TECRL: variants seen among roughly 807,000 people sequenced by gnomAD.
The protein encoded by TECRL is trans-2,3-enoyl-CoA reductase-like.
TECRL carries 63 observed loss-of-function variants against 52.8 expected under a neutral mutation model. The observed-to-expected ratio is 1.19, with a 90% CI of 0.97 to 1.47. TECRL has a LOEUF of 1.47. TECRL is among the 40% of genes most tolerant of loss of function. The probability of loss-of-function intolerance (pLI) is 0.00; values close to 1 mark genes in which losing one functional copy is unlikely to be tolerated. For synonymous variants in TECRL, 164 were observed against 141.9 expected, an observed-to-expected ratio of 1.16 and a Z score of -1.10; for missense variants, 482 against 429.6, an observed-to-expected ratio of 1.12 and a Z score of -1.08.
chr4:64,315,586 AT>A (rs1459726726), intron 4 of TECRL, among the ~76,000 whole-genome samples: 1 of 129,832 alleles, frequency 7.7e-6, no homozygotes, highest in African/African-American at 2.9e-5. Flanking sequence ...ACCATTAACT[AT>A]TTTGTCTTCA....
Position 64,314,669 on chromosome 4 carries a change from C to T in TECRL, c.530G>A (p.Arg177Lys). ...TTACTGTACCACTGGGTGGCGTAAT[C>T]TTCTAGCACTCTCTTTTCCATCATA... The part of the protein sequence containing the change: ...CIYDGKESAR[R>K]LRHPVVHLAC... The change falls in exon 5 of 12, where the codon AGA becomes AAA. Residue 177 changes from arginine to lysine, a missense_variant. Physicochemically the swap from Arg to Lys is conservative, Grantham distance 26. Transcript: ENST00000381210. 1 of 1,594,806 alleles carries T rather than the reference C, an allele frequency of 6.3e-7. No homozygotes were observed. Among genetic ancestry groups the T allele is most frequent in the Non-Finnish European group, 8.6e-7 (1 of 1,167,748 alleles).
At chr4:64,288,489 AATAT>A (rs1314180334) in intron 9 of TECRL, among the ~76,000 whole-genome samples, 3 of 151,948 alleles carry the variant, frequency 2.0e-5, no homozygotes. Flanking sequence ...GCTGATCGAA[AATAT>A]ATATATATAA....
At chr4:64,346,096 A>T (rs1040638208) in intron 2 of TECRL, among the ~76,000 whole-genome samples, 5 of 152,116 alleles carry the variant, frequency 3.3e-5, no homozygotes, top group African/African-American at 1.2e-4. Context: ...TAATAAAAAT[A>T]ATGAATTCTA....
intron 4 of TECRL, among the ~76,000 whole-genome samples, chr4:64,321,020 AT>A (rs1274161002): frequency 2.9e-4 from 44 of 152,188 alleles, no homozygotes; most frequent in African/African-American, 9.6e-4. Context: ...TTCAAAAAAT[AT>A]TTATTGAGCT....
chr4:64,319,535 A>G (rs1031028872), intron 4 of TECRL, among the ~76,000 whole-genome samples: 1 of 151,830 alleles, frequency 6.6e-6, no homozygotes, highest in Non-Finnish European at 1.5e-5. Flanking sequence ...AAGGAGAGAA[A>G]ATATTTCCAA....
At chr4:64,379,680 T>C (rs1283928228) in intron 1 of TECRL, among the ~76,000 whole-genome samples, 1 of 152,136 alleles carries the variant, frequency 6.6e-6, no homozygotes, top group Non-Finnish European at 1.5e-5. Context: ...TGTACCTTCA[T>C]GAGATTAACT....
Position 64,280,156 on chromosome 4 carries a change from C to A in TECRL, c.1008G>T (p.Trp336Cys). Residue 336 changes from tryptophan (W) to cysteine (C), a missense_variant, in exon 12 of 12, where the codon TGG becomes TGT. Coordinates refer to ENST00000381210, the MANE Select transcript of TECRL (RefSeq NM_001010874.5). ...TLLMSIQMSLWAQKKHKIYLR... is the reference protein window; with the variant it reads ...TLLMSIQMSLCAQKKHKIYLR... ...GATAAATCTTATGTTTCTTTTGTGC[C>A]CACAAAGACATCTGGATACTCATCA... 2 of 1,598,004 alleles carry A rather than the reference C, an allele frequency of 1.3e-6. No homozygotes were observed. Among genetic ancestry groups the A allele is most frequent in the Admixed American group, 1.7e-5 (1 of 58,146 alleles).
At chr4:64,338,372 G>T (rs975576078) in intron 2 of TECRL, among the ~76,000 whole-genome samples, 1 of 152,134 alleles carries the variant, frequency 6.6e-6, no homozygotes, top group African/African-American at 2.4e-5. Flanking sequence ...ATAGGCATGG[G>T]CAAAGACTTC....
chr4:64,355,538 C>A (rs1253818100), intron 2 of TECRL, among the ~76,000 whole-genome samples: 1 of 152,006 alleles, frequency 6.6e-6, no homozygotes, highest in Non-Finnish European at 1.5e-5. Context: ...GTGGCTCACG[C>A]CTGTAATCCC....
chr4:64,322,465 A>T (rs1454843236), intron 4 of TECRL, among the ~76,000 whole-genome samples: 1 of 151,684 alleles, frequency 6.6e-6, no homozygotes, highest in South Asian at 2.1e-4. Flanking sequence ...AAAAAAAAAA[A>T]AAAAAAAAAA....
chr4:64,401,168 G>T (rs539136106), intron 1 of TECRL, among the ~76,000 whole-genome samples: 17 of 152,144 alleles, frequency 1.1e-4, no homozygotes, highest in African/African-American at 4.1e-4. Flanking sequence ...TTTCTGAAAG[G>T]CAGATCTGAA....
chr4:64,379,251 C>T (rs926467237), intron 1 of TECRL, among the ~76,000 whole-genome samples: 6 of 7,762 alleles, frequency 7.7e-4, no homozygotes, highest in South Asian at 0.013. Context: ...CACACATACA[C>T]ACACACACAC....
At chr4:64,331,488 A>G (rs1362975597) in intron 2 of TECRL, among the ~76,000 whole-genome samples, 1 of 152,082 alleles carries the variant, frequency 6.6e-6, no homozygotes, top group East Asian at 1.9e-4. Context: ...AAAATCATAT[A>G]AAAACTAATC....
intron 2 of TECRL, among the ~76,000 whole-genome samples, chr4:64,364,458 A>C (rs1290431447): frequency 6.6e-6 from 1 of 152,024 alleles, no homozygotes; most frequent in Non-Finnish European, 1.5e-5. Flanking sequence ...ATAAAAGATC[A>C]ATGAAACCAA....
At chr4:64,317,135 G>A (rs764247047) in intron 4 of TECRL, among the ~76,000 whole-genome samples, 7 of 151,964 alleles carry the variant, frequency 4.6e-5, no homozygotes, top group Non-Finnish European at 8.8e-5. Flanking sequence ...AAAATTAGCC[G>A]GGCGTGGTGG....
chr4:64,296,443 T>C (rs1723686120), intron 8 of TECRL, among the ~76,000 whole-genome samples: 1 of 151,878 alleles, frequency 6.6e-6, no homozygotes, highest in Admixed American at 6.6e-5. Flanking sequence ...ACTGAATAAC[T>C]AATGACAACA....
At chr4:64,288,565 C>T (rs1284293025) in intron 9 of TECRL, among the ~76,000 whole-genome samples, 5 of 151,960 alleles carry the variant, frequency 3.3e-5, no homozygotes, top group African/African-American at 9.7e-5. Context: ...ATTTCTTGCT[C>T]GGAATTTAAC....
chr4:64,363,997 A>G (rs1236197593), intron 2 of TECRL, among the ~76,000 whole-genome samples: 2 of 152,100 alleles, frequency 1.3e-5, no homozygotes, highest in Admixed American at 6.6e-5. Context: ...TCTAAGATCA[A>G]CCACGTACTT....
At chr4:64,353,532 G>A (rs1305440698) in intron 2 of TECRL, among the ~76,000 whole-genome samples, 1 of 152,024 alleles carries the variant, frequency 6.6e-6, no homozygotes, top group Admixed American at 6.6e-5. Context: ...GAGAGACAGT[G>A]GTGTTTATAA....
Sources: gnomAD v4.1 joint callset for allele counts (sites outside exome capture counted in the v4.1 genomes callset) on GRCh38, gnomAD v4.1.1 for gene constraint, MANE v1.5 for transcripts, NCBI Gene and HGNC (gene_info 2026-07-23, HGNC 2026-07-21) for gene names.